Variants in SEMA6D observed in about 807,000 individuals in gnomAD.
SEMA6D encodes semaphorin-6D.
SEMA6D carries 35 observed loss-of-function variants against 106.6 expected under a neutral mutation model. That is an observed-to-expected ratio of 0.33 (90% CI 0.25 to 0.44). The LOEUF (loss-of-function observed/expected upper bound fraction) is 0.44, where lower values mean the gene tolerates loss of function less well. Ranked by LOEUF, SEMA6D falls within the 20% of genes least tolerant of loss-of-function variation. The pLI is 1.00. For missense variants in SEMA6D, 1,185 were observed against 1,345.9 expected (o/e 0.88, Z 1.87); for synonymous variants, 499 against 487.7 (o/e 1.02, Z -0.31).
At chr15:47,507,791 G>A (rs2044097565) in intron 3 of SEMA6D, among the ~76,000 whole-genome samples, 2 of 152,094 alleles carry the variant, frequency 1.3e-5, no homozygotes, top group Admixed American at 1.3e-4. Context: ...AATAAATTCA[G>A]GCCTATCTTA....
At chr15:47,636,215 A>T (rs1397865032) in intron 4 of SEMA6D, among the ~76,000 whole-genome samples, 1 of 152,230 alleles carries the variant, frequency 6.6e-6, no homozygotes, top group African/African-American at 2.4e-5. Flanking sequence ...TTGAACTACG[A>T]AAATACAAAA....
intron 3 of SEMA6D, among the ~76,000 whole-genome samples, chr15:47,586,844 T>C (rs1276518503): frequency 2.0e-5 from 3 of 151,324 alleles, no homozygotes; most frequent in Admixed American, 6.6e-5. Context: ...TTGCTAGAAC[T>C]GTATTTAAAT....
At chr15:47,500,579 T>A (rs1227247911) in intron 3 of SEMA6D, among the ~76,000 whole-genome samples, 1 of 152,180 alleles carries the variant, frequency 6.6e-6, no homozygotes, top group Non-Finnish European at 1.5e-5. Context: ...ATTTTACTCA[T>A]TTAGCAGTTA....
chr15:47,214,537 C>T (rs994583551), intron 1 of SEMA6D, among the ~76,000 whole-genome samples: 1 of 152,144 alleles, frequency 6.6e-6, no homozygotes, highest in Non-Finnish European at 1.5e-5. Flanking sequence ...ATTCTGAAGA[C>T]ACTTGTGTTT....
chr15:47,536,031 A>G (rs1056316484), intron 3 of SEMA6D, among the ~76,000 whole-genome samples: 1 of 152,146 alleles, frequency 6.6e-6, no homozygotes, highest in Non-Finnish European at 1.5e-5. Flanking sequence ...TAGGATTTGG[A>G]TTTTATTTGG....
At chr15:47,509,169 C>T (rs1394919227) in intron 3 of SEMA6D, among the ~76,000 whole-genome samples, 1 of 152,134 alleles carries the variant, frequency 6.6e-6, no homozygotes, top group East Asian at 1.9e-4. Context: ...TTCAGGGCTA[C>T]AGTCTCCTTC....
chr15:47,514,011 G>A (rs2044311825), intron 3 of SEMA6D, among the ~76,000 whole-genome samples: 1 of 152,180 alleles, frequency 6.6e-6, no homozygotes, highest in South Asian at 2.1e-4. Flanking sequence ...TGAGATTCTA[G>A]AGGGTGGAAA....
At chr15:47,227,574 C>CACAG (rs2031822260) in intron 1 of SEMA6D, among the ~76,000 whole-genome samples, 1 of 138,292 alleles carries the variant, frequency 7.2e-6, no homozygotes, top group East Asian at 2.2e-4. Context: ...CTCTCTCACA[C>CACAG]ACACACACAC....
chr15:47,548,786 A>G lies in SEMA6D; in HGVS notation c.-86-52079A>G, dbSNP rs139873311. On this transcript the variant is annotated intron_variant, in intron 3 of 19. Coordinates refer to the SEMA6D transcript ENST00000558014. ...ATGCACAAAGTATGTTTTTGTGCACATATGTGTATAATGTTCTGAATCTAT... is the reference window on the plus strand; with the variant it reads ...ATGCACAAAGTATGTTTTTGTGCACGTATGTGTATAATGTTCTGAATCTAT... Among the ~76,000 whole-genome samples the G allele has an allele frequency of 1.5e-3, 223 of 152,290 alleles. 1 individual carries two copies. The highest frequency in any genetic ancestry group is 5.2e-3 in the African/African-American group (217 of 41,574).
intron 1 of SEMA6D, among the ~76,000 whole-genome samples, chr15:47,257,275 T>C (rs376072674): frequency 6.6e-6 from 1 of 152,154 alleles, no homozygotes; most frequent in African/African-American, 2.4e-5. Flanking sequence ...GCTAGTATGG[T>C]CTCCATCTCC....
At chr15:47,395,779 C>CCTAG (rs2040194666) in intron 1 of SEMA6D, 1 of 152,202 alleles carries the variant, frequency 6.6e-6, no homozygotes, top group Non-Finnish European at 1.5e-5. Context: ...GGTTCGTATA[C>CCTAG]CTAGCATAGA....
At chr15:47,525,198 G>C (rs1464323597) in intron 3 of SEMA6D, 1 of 152,180 alleles carries the variant, frequency 6.6e-6, no homozygotes, top group Non-Finnish European at 1.5e-5. Context: ...TATTCAAAGA[G>C]ATAGAGAAGA....
intron 1 of SEMA6D, among the ~76,000 whole-genome samples, chr15:47,303,468 C>CG (rs1566984381): frequency 6.6e-6 from 1 of 152,148 alleles, no homozygotes; most frequent in Non-Finnish European, 1.5e-5. Flanking sequence ...AGTGGGGCTC[C>CG]TCCTCATCAA....
At chr15:47,265,185 G>C (rs1295330785) in intron 1 of SEMA6D, among the ~76,000 whole-genome samples, 2 of 151,690 alleles carry the variant, frequency 1.3e-5, no homozygotes, top group Non-Finnish European at 2.9e-5. Context: ...GTAAATAACT[G>C]GTATTAATTC....
At chr15:47,203,724 A>G (rs1458060299) in intron 1 of SEMA6D, among the ~76,000 whole-genome samples, 1 of 152,172 alleles carries the variant, frequency 6.6e-6, no homozygotes, top group East Asian at 1.9e-4. Context: ...CCTTTATGAT[A>G]GGGAGGAAAA....
At chr15:47,361,524 T>C (rs1363962499) in intron 1 of SEMA6D, among the ~76,000 whole-genome samples, 2 of 152,200 alleles carry the variant, frequency 1.3e-5, no homozygotes, top group Non-Finnish European at 2.9e-5. Context: ...TCTTACTGCC[T>C]CTTTCAGCTC....
chr15:47,553,013 T>C (rs898353545), intron 3 of SEMA6D, among the ~76,000 whole-genome samples: 1 of 147,242 alleles, frequency 6.8e-6, no homozygotes, highest in Non-Finnish European at 1.5e-5. Flanking sequence ...CAAGCGATTC[T>C]CCTGCCTCAG....
chr15:47,471,564 A>G (rs1166322809), intron 3 of SEMA6D, among the ~76,000 whole-genome samples: 1 of 152,108 alleles, frequency 6.6e-6, no homozygotes, highest in Non-Finnish European at 1.5e-5. Flanking sequence ...ATGAGCCTTT[A>G]TGATTTCTGT....
At chr15:47,620,540 T>C (rs2077079486) in intron 4 of SEMA6D, among the ~76,000 whole-genome samples, 1 of 152,144 alleles carries the variant, frequency 6.6e-6, no homozygotes. Flanking sequence ...TCCTGGGATA[T>C]TTTTTAAAAA....
Sources: gnomAD v4.1 joint callset for allele counts (sites outside exome capture counted in the v4.1 genomes callset) on GRCh38, gnomAD v4.1.1 for gene constraint, MANE v1.5 for transcripts, NCBI Gene and HGNC (gene_info 2026-07-23, HGNC 2026-07-21) for gene names.